ETV3L: variants seen among roughly 807,000 people sequenced by gnomAD.
ETV3L encodes the protein ETS translocation variant 3-like protein.
ETV3L carries 30 observed loss-of-function variants against 27.6 expected under a neutral mutation model. The ratio of observed to expected loss-of-function variants is 1.09; its 90% confidence interval spans 0.81 to 1.48. The LOEUF (loss-of-function observed/expected upper bound fraction) is 1.48. Among genes scored for constraint, ETV3L ranks in the 40% most tolerant of loss-of-function variants. The pLI, the probability that ETV3L is intolerant of heterozygous loss-of-function variation, is 0.00. For missense variants in ETV3L, 443 were observed against 455.6 expected (o/e 0.97, Z 0.25); for synonymous variants, 186 against 188.9 (o/e 0.98, Z 0.12).
intron 3 of ETV3L, among the ~76,000 whole-genome samples, chr1:157,098,376 G>A (rs1227591680): frequency 7.9e-5 from 12 of 152,200 alleles, no homozygotes; most frequent in African/African-American, 2.9e-4. Context: ...GATTACAGGT[G>A]TGAGCCACCA....
rs371671304 is a variant in ETV3L, at chr1:157,098,499, GA to G, written c.486+206del. ...CCCTAAAGGAGTGGCGACTAGGACA[GA>G]AGGAGCCACCCTTTCTCACAGGTGG... On this transcript the variant is annotated intron_variant, in intron 3 of 4. Coordinates refer to ENST00000454449, the MANE Select transcript of ETV3L (RefSeq NM_001004341.2). 7.4e-3 allele frequency among the ~76,000 whole-genome samples: 1,121 copies of G among 152,282 alleles called. 20 individuals carry two copies. Among genetic ancestry groups the G allele is most frequent in the African/African-American group, 0.026 (1,078 of 41,564 alleles).
intron 4 of ETV3L, among the ~76,000 whole-genome samples, chr1:157,094,560 A>T (rs780781937): frequency 1.3e-5 from 2 of 152,220 alleles, no homozygotes; most frequent in African/African-American, 2.4e-5. Context: ...ACATCATTTA[A>T]CTAAAAGAAC....
In ETV3L at chr1:157,098,833, T is replaced by C. The variant is rs574694747; in HGVS notation, c.359A>G (p.Asn120Ser). Residue 120 changes from asparagine (N) to serine (S), a missense_variant, in exon 3 of 5, where the codon AAC (asparagine) becomes AGC (serine). Transcript: ENST00000454449. ...GTTGACTACGATGAGCTTGCTGAAG[T>C]TGAACTTGTATGTGAACCTTTTGCC... ...TKGKRFTYKF[N>S]FSKLIVVNYP... The C allele has an allele frequency of 6.2e-7, 1 of 1,614,112 alleles. No individual in the cohort carries two copies. Among genetic ancestry groups the C allele is most frequent in the East Asian group, 2.2e-5 (1 of 44,886 alleles).
chr1:157,095,791 G>C (rs1674208310), intron 4 of ETV3L, among the ~76,000 whole-genome samples: 1 of 152,102 alleles, frequency 6.6e-6, no homozygotes, highest in Non-Finnish European at 1.5e-5. Flanking sequence ...GCACTCCCAG[G>C]GGTGCAGAGC....
intron 4 of ETV3L, among the ~76,000 whole-genome samples, chr1:157,095,331 G>A (rs1455415319): frequency 6.9e-6 from 1 of 145,538 alleles, no homozygotes; most frequent in Non-Finnish European, 1.5e-5. Flanking sequence ...TCTGAGTGAG[G>A]GGTGGAGGTG....
In ETV3L at chr1:157,092,552, A is replaced by G; in HGVS notation, c.*97T>C. ...CCTTCAAATCCTGCAATTTCAGCCC[A>G]TGTCCAGCCAGGGGAAGGGGCTAAC... On this transcript the variant is annotated 3_prime_UTR_variant, in exon 5 of 5. Coordinates refer to ENST00000454449, the MANE Select transcript of ETV3L (RefSeq NM_001004341.2). 7.7e-6 allele frequency: 8 copies of G among 1,040,628 alleles called. No homozygotes were observed. Among genetic ancestry groups the G allele is most frequent in the Non-Finnish European group, 1.1e-5 (8 of 713,404 alleles). 64.5% of individuals were successfully genotyped at this position (1,040,628 alleles called of 1,614,324 possible).
chr1:157,098,932 C>G, intron 2 of ETV3L, 37 bp from the exon 3 acceptor site: 3 of 1,579,438 alleles, frequency 1.9e-6, no homozygotes, highest in Admixed American at 1.7e-5. Context: ...GTTGGCCCAG[C>G]AGTCAGAGAA....
chr1:157,092,415 C>A lies in ETV3L; in HGVS notation c.*234G>T, dbSNP rs1170055976. ...GAAAAGTTGAGATTAGGAATGTCCC[C>A]TTAGTCTGCTTAGCAATATGGTGAA... On this transcript the variant is annotated 3_prime_UTR_variant, in exon 5 of 5. Transcript: ENST00000454449. 1 of 521,686 alleles carries A rather than the reference C, an allele frequency of 1.9e-6. No individual in the cohort carries two copies. The highest frequency in any genetic ancestry group is 1.9e-5 in the African/African-American group (1 of 52,520). The allele number at this position is 521,686 out of a possible 1,614,324, so 32.3% of individuals were successfully genotyped here.
intron 4 of ETV3L, among the ~76,000 whole-genome samples, chr1:157,095,229 A>C (rs1255106238): frequency 6.6e-6 from 1 of 152,192 alleles, no homozygotes; most frequent in Non-Finnish European, 1.5e-5. Flanking sequence ...ACAGGTTCCC[A>C]ACCTTTCCCA....
At chr1:157,097,000 A>T (rs903173955) in intron 4 of ETV3L, among the ~76,000 whole-genome samples, 1 of 152,114 alleles carries the variant, frequency 6.6e-6, no homozygotes, top group African/African-American at 2.4e-5. Flanking sequence ...CACAGGAGAA[A>T]GTCCTGCTCC....
At chr1:157,097,489 A>T (rs1302316294) in intron 4 of ETV3L, among the ~76,000 whole-genome samples, 7 of 151,296 alleles carry the variant, frequency 4.6e-5, no homozygotes, top group Non-Finnish European at 8.9e-5. Flanking sequence ...AAAAAAAAAA[A>T]AGAATAAATA....
In ETV3L at chr1:157,092,896, G is replaced by C; in HGVS notation, c.839C>G (p.Ala280Gly). ...LLPGPRSLPG[A>G]WHFPGLPLLA... ...GAGAGGAAGCCCTGGAAAATGCCAG[G>C]CCCCTGGGAGGCTCCTAGGTCCTGG... Residue 280 changes from alanine (A) to glycine (G), a missense_variant, in exon 5 of 5, where the codon GCC (alanine) becomes GGC (glycine). Coordinates refer to ENST00000454449, the MANE Select transcript of ETV3L (RefSeq NM_001004341.2). 6.2e-7 allele frequency: 1 copy of C among 1,614,066 alleles called. No homozygotes were observed. The highest frequency in any genetic ancestry group is 8.5e-7 in the Non-Finnish European group (1 of 1,179,932).
At chr1:157,094,241 T>C (rs1186428580) in intron 4 of ETV3L, among the ~76,000 whole-genome samples, 1 of 152,218 alleles carries the variant, frequency 6.6e-6, no homozygotes, top group African/African-American at 2.4e-5. Flanking sequence ...TCCCCTCTCC[T>C]AGCTTGGATT....
chr1:157,099,200 G>C lies in ETV3L; in HGVS notation c.237C>G (p.Leu79=). The part of the protein sequence containing the change: ...VIKDPDEVAR[L]WGRRKCKPQM... ...GTGGTTTGCATTTCCTGCGGCCCCA[G>C]AGGCGGGCCACCTCATCTGGATCCT... Residue 79 remains leucine (L), a synonymous_variant, in exon 2 of 5, where the codon CTC becomes CTG. Coordinates refer to ENST00000454449, the MANE Select transcript of ETV3L (RefSeq NM_001004341.2). 1 of 1,613,912 alleles carries C rather than the reference G, an allele frequency of 6.2e-7. No individual in the cohort carries two copies. Among genetic ancestry groups the C allele is most frequent in the Non-Finnish European group, 8.5e-7 (1 of 1,179,946 alleles).
Position 157,092,949 on chromosome 1 carries a change from T to G in ETV3L, c.786A>C (p.Pro262=). 6.2e-7 allele frequency: 1 copy of G among 1,614,008 alleles called. No homozygotes were observed. The highest frequency in any genetic ancestry group is 8.5e-7 in the Non-Finnish European group (1 of 1,179,930). ...LPPLPSEQQL[P]GAFKPDILLP... Reference sequence around the variant, plus strand: ...GCAGGATGTCTGGCTTAAAAGCCCCTGGGAGCTGCTGCTCTGACGGGAGAG... The same window carrying G: ...GCAGGATGTCTGGCTTAAAAGCCCCGGGGAGCTGCTGCTCTGACGGGAGAG... The change falls in exon 5 of 5, where the codon CCA becomes CCC. Residue 262 remains proline, a synonymous_variant. Transcript: ENST00000454449.
chr1:157,094,129 C>A (rs187887612), intron 4 of ETV3L, among the ~76,000 whole-genome samples: 1 of 152,234 alleles, frequency 6.6e-6, no homozygotes, highest in Non-Finnish European at 1.5e-5. Context: ...TCACTCCCTG[C>A]CCCTGCAGCA....
chr1:157,092,851 C>T lies in ETV3L; in HGVS notation c.884G>A (p.Gly295Asp). 6.2e-7 allele frequency: 1 copy of T among 1,614,052 alleles called. No individual in the cohort carries two copies. The highest frequency in any genetic ancestry group is 2.2e-5 in the East Asian group (1 of 44,884). ...CAAGAGCCAAAGCCTCTCACCCGCACCCTGTCCCAGCCCTGCCAAGAGAGG... is the reference window on the plus strand; with the variant it reads ...CAAGAGCCAAAGCCTCTCACCCGCATCCTGTCCCAGCCCTGCCAAGAGAGG... ...GLPLLAGLGQ[G>D]AGERLWLLSL... Residue 295 changes from glycine to aspartate, a missense_variant, in exon 5 of 5, where the codon GGT becomes GAT. Physicochemically the swap from Gly to Asp is moderately conservative, Grantham distance 94 (BLOSUM62 -1). Coordinates refer to ENST00000454449, the MANE Select transcript of ETV3L (RefSeq NM_001004341.2).
Position 157,094,661 on chromosome 1 carries a change from C to A in ETV3L, c.608-1534G>T, listed in dbSNP as rs192357028. Among the ~76,000 whole-genome samples the A allele has an allele frequency of 1.1e-3, 171 of 152,216 alleles. 1 individual carries two copies. The highest frequency in any genetic ancestry group is 3.9e-3 in the African/African-American group (164 of 41,534). On this transcript the variant is annotated intron_variant, in intron 4 of 4. Transcript: ENST00000454449. ...GGTGTGGTGGCTCACGCTTGTAATCCCAGCACTTTGGGAGGCCGAGGCGAG... is the reference window on the plus strand; with the variant it reads ...GGTGTGGTGGCTCACGCTTGTAATCACAGCACTTTGGGAGGCCGAGGCGAG...
At chr1:157,098,101 A>AT (rs370474629) in intron 3 of ETV3L, 113 bp from the exon 4 acceptor site, 65,170 of 972,490 alleles carry the variant, frequency 0.067, 6 homozygotes, top group South Asian at 0.073. Context: ...TCTCATACCG[A>AT]TTTTTTTTTT....
Sources: gnomAD v4.1 joint callset for allele counts (sites outside exome capture counted in the v4.1 genomes callset) on GRCh38, gnomAD v4.1.1 for gene constraint, MANE v1.5 for transcripts, NCBI Gene and HGNC (gene_info 2026-07-23, HGNC 2026-07-21) for gene names.